The following RP1 variants were observed in gnomAD, a reference collection of about 807,000 sequenced individuals.
RP1 encodes the protein oxygen-regulated protein 1.
RP1 carries 16 observed loss-of-function variants against 14.8 expected under a neutral mutation model. That is an observed-to-expected ratio of 1.08 (90% CI 0.73 to 1.65). RP1 has a LOEUF of 1.65. RP1 is among the 40% of genes most tolerant of loss of function. RP1 has a pLI of 0.00. For missense variants in RP1, 2,631 were observed against 2,535.0 expected, an observed-to-expected ratio of 1.04 and a Z score of -0.81; for synonymous variants, 876 against 883.6, an observed-to-expected ratio of 0.99 and a Z score of 0.15.
intron 24 of RP1, among the ~76,000 whole-genome samples, chr8:54,801,744 T>C (rs564549201): frequency 6.6e-6 from 1 of 152,338 alleles, no homozygotes; most frequent in East Asian, 1.9e-4. Flanking sequence ...TGGAAATTTC[T>C]AGGTGCATTC....
chr8:54,660,929 T>A (rs2129328850), intron 6 of RP1, among the ~76,000 whole-genome samples: 1 of 152,132 alleles, frequency 6.6e-6, no homozygotes, highest in Middle Eastern at 3.4e-3. Context: ...AGACCACTGT[T>A]ACTCTGATCC....
chr8:54,584,647 T>C (rs1379723493), intron 1 of RP1, among the ~76,000 whole-genome samples: 1 of 152,208 alleles, frequency 6.6e-6, no homozygotes, highest in East Asian at 1.9e-4. Flanking sequence ...AGTCTCTTTG[T>C]AGCTCTCTAA....
At chr8:54,677,924 A>C (rs1392456712) in intron 8 of RP1, among the ~76,000 whole-genome samples, 1 of 152,184 alleles carries the variant, frequency 6.6e-6, no homozygotes, top group Non-Finnish European at 1.5e-5. Flanking sequence ...TAGTTTGCAA[A>C]TTAATATGAA....
chr8:54,756,596 T>C (rs763665090), intron 21 of RP1, among the ~76,000 whole-genome samples: 2 of 152,224 alleles, frequency 1.3e-5, no homozygotes, highest in African/African-American at 2.4e-5. Context: ...TAACTTTTGC[T>C]ATCAGGAATG....
chr8:54,626,506 A>T lies in RP1; in HGVS notation c.2624A>T (p.Asp875Val), dbSNP rs1473823325. 1.2e-6 allele frequency: 2 copies of T among 1,613,808 alleles called. No homozygotes were observed. The highest frequency in any genetic ancestry group is 1.7e-6 in the Non-Finnish European group (2 of 1,179,916). The change falls in exon 4 of 4, where the codon GAT becomes GTT. Residue 875 changes from aspartate (D) to valine (V), a missense_variant. Coordinates refer to ENST00000220676, the MANE Select transcript of RP1 (RefSeq NM_006269.2). ...TLKSQKKRKG[D>V]KVKASAILSK... The stretch of plus-strand genomic sequence containing the variant: ...AAAAGCCAGAAAAAACGTAAAGGGG[A>T]TAAAGTGAAAGCAAGTGCTATTTTA...
intron 3 of RP1, among the ~76,000 whole-genome samples, chr8:54,643,289 A>G (rs1024964631): frequency 3.9e-5 from 6 of 152,222 alleles, no homozygotes; most frequent in Non-Finnish European, 7.3e-5. Context: ...GTTCACCTGT[A>G]TAATTACCAT....
At chr8:54,813,963 AATG>A (rs1811075087) in intron 24 of RP1, among the ~76,000 whole-genome samples, 1 of 152,200 alleles carries the variant, frequency 6.6e-6, no homozygotes, top group African/African-American at 2.4e-5. Context: ...GAGTTGAGCA[AATG>A]ATATAACCTC....
intron 23 of RP1, among the ~76,000 whole-genome samples, chr8:54,782,901 A>G (rs765625922): frequency 6.6e-6 from 1 of 151,680 alleles, no homozygotes; most frequent in Non-Finnish European, 1.5e-5. Flanking sequence ...TGCATGATGC[A>G]TTGTCTTTCT....
At chr8:54,795,781 T>C (rs931222886) in intron 24 of RP1, among the ~76,000 whole-genome samples, 1 of 152,160 alleles carries the variant, frequency 6.6e-6, no homozygotes, top group African/African-American at 2.4e-5. Context: ...GCCATCCTTA[T>C]TTTTTCTTGC....
chr8:54,806,337 CAT>C (rs920582381), intron 24 of RP1, among the ~76,000 whole-genome samples: 39 of 151,814 alleles, frequency 2.6e-4, no homozygotes, highest in African/African-American at 9.4e-4. Flanking sequence ...TTAACCTCAG[CAT>C]AGAGTCAACT....
At chr8:54,710,549 C>G (rs1002635194) in intron 15 of RP1, among the ~76,000 whole-genome samples, 1 of 152,216 alleles carries the variant, frequency 6.6e-6, no homozygotes, top group Non-Finnish European at 1.5e-5. Context: ...GCTACCCGCA[C>G]TTGGTGCATC....
intron 3 of RP1, among the ~76,000 whole-genome samples, chr8:54,641,961 T>C (rs1225548199): frequency 1.3e-5 from 2 of 152,344 alleles, no homozygotes; most frequent in East Asian, 3.9e-4. Context: ...ACAAAGATAC[T>C]ATTCACATTC....
chr8:54,586,781 G>C (rs1481216117), intron 1 of RP1, among the ~76,000 whole-genome samples: 2 of 152,204 alleles, frequency 1.3e-5, no homozygotes, highest in Admixed American at 6.5e-5. Context: ...CGTGGGCATA[G>C]GACCCTCCAA....
chr8:54,837,300 C>G, intron 24 of RP1: 1 of 396,164 alleles, frequency 2.5e-6, no homozygotes, highest in Admixed American at 4.4e-5. Flanking sequence ...TATAGAACAG[C>G]ATTTCATGGT....
intron 22 of RP1, among the ~76,000 whole-genome samples, chr8:54,760,624 T>C (rs1809615505): frequency 6.6e-6 from 1 of 152,208 alleles, no homozygotes; most frequent in South Asian, 2.1e-4. Flanking sequence ...CAAGGCTTTA[T>C]AACATCTGAC....
At chr8:54,694,515 C>G (rs1807807213) in intron 12 of RP1, among the ~76,000 whole-genome samples, 1 of 152,136 alleles carries the variant, frequency 6.6e-6, no homozygotes, top group Non-Finnish European at 1.5e-5. Flanking sequence ...TTGGTCTATT[C>G]AGAGATTCAA....
chr8:54,755,205 T>C (rs1378512942), intron 20 of RP1, among the ~76,000 whole-genome samples: 2 of 152,166 alleles, frequency 1.3e-5, no homozygotes, highest in African/African-American at 4.8e-5. Flanking sequence ...CAACTCACCT[T>C]AGCTTTGCCT....
intron 23 of RP1, among the ~76,000 whole-genome samples, chr8:54,778,559 G>A (rs561568335): frequency 7.2e-5 from 11 of 152,156 alleles, no homozygotes; most frequent in African/African-American, 1.9e-4. Context: ...TCCTGACCTT[G>A]TGATCCGCCC....
intron 1 of RP1, among the ~76,000 whole-genome samples, chr8:54,571,781 C>T (rs1010132642): frequency 2.6e-5 from 4 of 152,124 alleles, no homozygotes; most frequent in African/African-American, 9.7e-5. Context: ...TCCTCAGCTC[C>T]TGGTGGTTTG....
Sources: gnomAD v4.1 joint callset for allele counts (sites outside exome capture counted in the v4.1 genomes callset) on GRCh38, gnomAD v4.1.1 for gene constraint, MANE v1.5 for transcripts, NCBI Gene and HGNC (gene_info 2026-07-23, HGNC 2026-07-21) for gene names.